NPAS4: variants seen among roughly 807,000 people sequenced by gnomAD.
NPAS4 encodes the protein neuronal PAS domain protein 4, also known as neuronal PAS domain-containing protein 4.
A neutral mutation model predicts 64.0 loss-of-function variants in NPAS4; 10 were observed. The observed-to-expected ratio is 0.16, with a 90% CI of 0.10 to 0.26. The LOEUF is 0.26. NPAS4 is among the 10% of genes least tolerant of loss of function. The pLI, the probability that NPAS4 is intolerant of heterozygous loss-of-function variation, is 1.00. For missense variants in NPAS4, 886 were observed against 992.6 expected, an observed-to-expected ratio of 0.89 and a Z score of 1.44; for synonymous variants, 441 against 411.7, an observed-to-expected ratio of 1.07 and a Z score of -0.86.
chr11:66,424,493 A>G lies in NPAS4; in HGVS notation c.1603A>G (p.Ser535Gly). ...TGCCCATGAACAGCTGACTCCTCCCAGCACAGCATTCCAAGCACACCTGGA... is the reference window on the plus strand; with the variant it reads ...TGCCCATGAACAGCTGACTCCTCCCGGCACAGCATTCCAAGCACACCTGGA... ...SPAHEQLTPP[S>G]TAFQAHLDSP... Residue 535 changes from serine to glycine, a missense_variant, in exon 7 of 8, where the codon AGC (serine) becomes GGC (glycine). Ser to Gly is a moderately conservative substitution (Grantham distance 56, BLOSUM62 0). Transcript: ENST00000311034. The G allele has an allele frequency of 6.2e-7, 1 of 1,614,124 alleles. No homozygotes were observed. The highest frequency in any genetic ancestry group is 8.5e-7 in the Non-Finnish European group (1 of 1,180,022).
At chr11:66,410,785 T>A in the NPAS4 span, 40 of 152,476 alleles carry the variant, frequency 2.6e-4, no homozygotes, top group African/African-American at 9.6e-4. Flanking sequence ...TTGAGCATTT[T>A]GGCCAGGCTG....
At chr11:66,418,422 C>T (rs1279355851), upstream of NPAS4, among the ~76,000 whole-genome samples, 1 of 152,108 alleles carries the variant, frequency 6.6e-6, no homozygotes, top group Non-Finnish European at 1.5e-5. Context: ...CTCCCACGGC[C>T]TGAAGCTGCT....
chr11:66,425,052 A>G lies in NPAS4; in HGVS notation c.2162A>G (p.Asp721Gly). The G allele has an allele frequency of 6.2e-7, 1 of 1,610,666 alleles. No homozygotes were observed. The highest frequency in any genetic ancestry group is 8.5e-7 in the Non-Finnish European group (1 of 1,178,498). ...ATCTTCATGGATCTCTCTACCCCAG[A>G]TCCCAGTGAGGAATGGGGCTCAGGG... ...EDIFMDLSTP[D>G]PSEEWGSGDP... The change falls in exon 7 of 8, where the codon GAT becomes GGT. Residue 721 changes from aspartate to glycine, a missense_variant. Physicochemically the swap from Asp to Gly is moderately conservative, Grantham distance 94. Around this residue, in one of 3 missense-constraint regions of NPAS4, gnomAD observed 820 missense variants for 855.5 expected, o/e 0.96. Transcript: ENST00000311034.
chr11:66,421,167 G>T lies in NPAS4; in HGVS notation c.-13G>T, dbSNP rs1449211888. Reference sequence around the variant, plus strand: ...GCTCGGGCACCCGAGCTGGAGCTCCGCAGCCGCCGGTCATGTACCGCTCCA... The same window carrying T: ...GCTCGGGCACCCGAGCTGGAGCTCCTCAGCCGCCGGTCATGTACCGCTCCA... On this transcript the variant is annotated 5_prime_UTR_variant, in exon 1 of 8. Transcript: ENST00000311034. 1 of 1,583,716 alleles carries T rather than the reference G, an allele frequency of 6.3e-7. No individual in the cohort carries two copies. The highest frequency in any genetic ancestry group is 8.6e-7 in the Non-Finnish European group (1 of 1,164,072).
At chr11:66,420,224 G>C (rs1023422752), upstream of NPAS4, among the ~76,000 whole-genome samples, 1 of 152,250 alleles carries the variant, frequency 6.6e-6, no homozygotes, top group Non-Finnish European at 1.5e-5. Context: ...CTTCAGTAAG[G>C]TTAATTAGCT....
the NPAS4 span, among the ~76,000 whole-genome samples, chr11:66,412,748 C>T: frequency 2.0e-5 from 3 of 152,214 alleles, no homozygotes; most frequent in Admixed American, 2.0e-4. Flanking sequence ...GGTTAAGTCA[C>T]TTAACTGACC....
rs1054321476 is a variant in NPAS4 at position 66,423,294 on chromosome 11, C to T, written c.808+62C>T. ...CTGGGAAAGGGCATGGGAGACCAGA[C>T]AAAGAATGATCTGTAGTCAAGAGTG... is the stretch of plus-strand genomic sequence containing the variant. On this transcript the variant is annotated intron_variant, in intron 5 of 7. Transcript: ENST00000311034. The T allele has an allele frequency of 4.4e-6, 5 of 1,124,142 alleles. No individual in the cohort carries two copies. In the African/African-American group the frequency reaches 4.6e-5, roughly 10 times the overall value. 69.6% of individuals were successfully genotyped at this position (1,124,142 alleles called of 1,614,324 possible). A position where few individuals can be genotyped will look rare whatever the true frequency, so the allele number is the denominator to read the frequency against.
the NPAS4 span, chr11:66,409,227 G>A: frequency 2.1e-5 from 1 of 47,066 alleles, no homozygotes. Flanking sequence ...CGCGAGCCCC[G>A]CGCCGGGCCG....
Position 66,425,922 on chromosome 11 carries a change from G to A in NPAS4, c.2381-39G>A, listed in dbSNP as rs188791011. On this transcript the variant is annotated intron_variant, in intron 7 of 7. Transcript: ENST00000311034. ...GCCCCAGGATCCTCTGTGCTAATTG[G>A]TCTAACTGATTGTGTTCTCTCTATC... The A allele has an allele frequency of 2.0e-3, 3,134 of 1,534,170 alleles. 5 individuals are homozygous for A. The highest frequency in any genetic ancestry group is 2.6e-3 in the Non-Finnish European group (2,900 of 1,107,066).
At chr11:66,413,662 C>T in the NPAS4 span, among the ~76,000 whole-genome samples, 2 of 152,216 alleles carry the variant, frequency 1.3e-5, no homozygotes, top group African/African-American at 4.8e-5. Context: ...ATTTATGAGG[C>T]CACACTCCTC....
At chr11:66,416,258 G>T (rs1286137157), upstream of NPAS4, among the ~76,000 whole-genome samples, 1 of 152,138 alleles carries the variant, frequency 6.6e-6, no homozygotes, top group Non-Finnish European at 1.5e-5. Context: ...GCCTGCTGAG[G>T]GTAGCAGCAG....
chr11:66,412,326 G>C, the NPAS4 span, among the ~76,000 whole-genome samples: 1 of 152,216 alleles, frequency 6.6e-6, no homozygotes, highest in African/African-American at 2.4e-5. Context: ...GAAGGAGCCT[G>C]CTGGGGCCCG....
At chr11:66,411,414 A>G in the NPAS4 span, among the ~76,000 whole-genome samples, 662 of 152,292 alleles carry the variant, frequency 4.3e-3, 13 homozygotes, top group East Asian at 0.058. Flanking sequence ...AGAGCTGGGA[A>G]CAGAATCTGC....
Position 66,423,148 on chromosome 11 carries a change from C to A in NPAS4, c.724C>A (p.Arg242Ser). Reference sequence around the variant, plus strand: ...TGTCCTAATCTACCTGGGCTTTGAGCGCAGTGAACTGCTTTGTAAATCATG... The same window carrying A: ...TGTCCTAATCTACCTGGGCTTTGAGAGCAGTGAACTGCTTTGTAAATCATG... ...ESVLIYLGFE[R>S]SELLCKSWYG... The change falls in exon 5 of 8, where the codon CGC (arginine) becomes AGC (serine). Residue 242 changes from arginine (R) to serine (S), a missense_variant. Arg to Ser is a moderately radical substitution (Grantham distance 110, BLOSUM62 -1). Around this residue, in one of 3 missense-constraint regions of NPAS4, gnomAD observed 820 missense variants for 855.5 expected, o/e 0.96. Transcript: ENST00000311034. The A allele has an allele frequency of 6.2e-7, 1 of 1,610,108 alleles. No homozygotes were observed. Among genetic ancestry groups the A allele is most frequent in the Non-Finnish European group, 8.5e-7 (1 of 1,177,788 alleles).
rs750676805 is a variant in NPAS4 at position 66,425,055 on chromosome 11, C to T, written c.2165C>T (p.Pro722Leu). 5.0e-6 allele frequency: 8 copies of T among 1,610,252 alleles called. No individual in the cohort carries two copies. The Admixed American group carries it at 6.7e-5, about 14-fold the overall frequency. ...TTCATGGATCTCTCTACCCCAGATCCCAGTGAGGAATGGGGCTCAGGGGAT... is the reference window on the plus strand; with the variant it reads ...TTCATGGATCTCTCTACCCCAGATCTCAGTGAGGAATGGGGCTCAGGGGAT... ...DIFMDLSTPD[P>L]SEEWGSGDPE... Residue 722 changes from proline to leucine, a missense_variant, in exon 7 of 8, where the codon CCC (proline) becomes CTC (leucine). Coordinates refer to ENST00000311034, the MANE Select transcript of NPAS4 (RefSeq NM_178864.4).
chr11:66,422,189 C>G lies in NPAS4; in HGVS notation c.245C>G (p.Pro82Arg). The change falls in exon 2 of 8, where the codon CCC becomes CGC. Residue 82 changes from proline to arginine, a missense_variant. Pro to Arg is a moderately radical substitution (Grantham distance 103). Around this residue, in one of 3 missense-constraint regions of NPAS4, gnomAD observed 820 missense variants for 855.5 expected, o/e 0.96. Transcript: ENST00000311034. ...CTTGAGGACATCGTAGCGGCACTAC[C>G]CGGCTTTCTGCTTGTGTTCACAGCC... is the stretch of plus-strand genomic sequence containing the variant. The part of the protein sequence containing the change: ...QELEDIVAAL[P>R]GFLLVFTAEG... The G allele has an allele frequency of 6.2e-7, 1 of 1,614,034 alleles. No homozygotes were observed. The highest frequency in any genetic ancestry group is 8.5e-7 in the Non-Finnish European group (1 of 1,180,002).
the NPAS4 span, among the ~76,000 whole-genome samples, chr11:66,412,485 A>G: frequency 6.6e-6 from 1 of 152,238 alleles, no homozygotes; most frequent in Non-Finnish European, 1.5e-5. Context: ...TTGCAGTGCC[A>G]GGACATGTGC....
rs1208932606 is a variant in NPAS4, at chr11:66,424,302, C to T, written c.1412C>T (p.Thr471Met). 23 of 1,614,066 alleles carry T rather than the reference C, an allele frequency of 1.4e-5. No homozygotes were observed. Among genetic ancestry groups the T allele is most frequent in the Non-Finnish European group, 1.7e-5 (20 of 1,180,036 alleles). Reference protein sequence around the residue: ...PSTATFSDQLTPSSATFPDPL... With the variant: ...PSTATFSDQLMPSSATFPDPL... ...ACTGCGACCTTCTCTGATCAGTTGA[C>T]GCCCAGCAGTGCAACCTTCCCAGAT... The change falls in exon 7 of 8, where the codon ACG (threonine) becomes ATG (methionine). Residue 471 changes from threonine (T) to methionine (M), a missense_variant. Thr to Met is a moderately conservative substitution (Grantham distance 81, BLOSUM62 -1). This residue lies in a region of NPAS4 where 820 missense variants were observed against 855.5 expected (regional missense o/e 0.96). Transcript: ENST00000311034.
chr11:66,418,040 C>A (rs1030048130), upstream of NPAS4, among the ~76,000 whole-genome samples: 1 of 152,122 alleles, frequency 6.6e-6, no homozygotes, highest in Non-Finnish European at 1.5e-5. Context: ...TCTTTTCCTT[C>A]AATTGCCCAA....
Sources: gnomAD v4.1 joint callset for allele counts (sites outside exome capture counted in the v4.1 genomes callset) on GRCh38, gnomAD v4.1.1 for gene constraint, gnomAD v4.1.1 regional missense constraint, MANE v1.5 for transcripts, NCBI Gene and HGNC (gene_info 2026-07-23, HGNC 2026-07-21) for gene names.